PDSS2: variants seen among roughly 807,000 people sequenced by gnomAD.
PDSS2 encodes the protein decaprenyl diphosphate synthase subunit 2.
Under a neutral mutation model 44.5 loss-of-function variants are expected in PDSS2, and 31 were observed. That is an observed-to-expected ratio of 0.70 (90% CI 0.52 to 0.94). The LOEUF (loss-of-function observed/expected upper bound fraction) is 0.94, where lower values mean the gene tolerates loss of function less well. Among genes scored for constraint, PDSS2 ranks in the 40% least tolerant of loss-of-function variants. The pLI, the probability that PDSS2 is intolerant of heterozygous loss-of-function variation, is 0.00. For synonymous variants in PDSS2, 157 were observed against 180.3 expected, an observed-to-expected ratio of 0.87 and a Z score of 1.03; for missense variants, 452 against 482.2, an observed-to-expected ratio of 0.94 and a Z score of 0.59.
rs1484419335 is a variant in PDSS2, at chr6:107,225,376, C to T, written c.703-13094G>A. ...CTGTATTGGTCAGGCTGGTCTTGAA[C>T]TCCTGACCTTGTGATCTGCCTGCCT... On this transcript the variant is annotated intron_variant, in intron 4 of 7. Transcript: ENST00000369037. 2.0e-5 allele frequency among the ~76,000 whole-genome samples: 3 copies of T among 151,094 alleles called. No homozygotes were observed. In the East Asian group the frequency reaches 5.8e-4, roughly 29 times the overall value.
At chr6:107,249,075 T>C (rs1407523549) in intron 3 of PDSS2, among the ~76,000 whole-genome samples, 2 of 152,220 alleles carry the variant, frequency 1.3e-5, no homozygotes, top group South Asian at 2.1e-4. Context: ...GATTTATATA[T>C]ACTGGATTCT....
chr6:107,281,044 T>C (rs1775945648), intron 2 of PDSS2, among the ~76,000 whole-genome samples: 1 of 152,144 alleles, frequency 6.6e-6, no homozygotes, highest in South Asian at 2.1e-4. Flanking sequence ...TTCTGAGAAA[T>C]TTACTGAGTT....
intron 4 of PDSS2, among the ~76,000 whole-genome samples, chr6:107,240,016 G>A (rs1055052835): frequency 6.6e-6 from 1 of 152,118 alleles, no homozygotes; most frequent in Non-Finnish European, 1.5e-5. Context: ...TGAATCCAAA[G>A]TCAATTTTGT....
intron 7 of PDSS2, among the ~76,000 whole-genome samples, chr6:107,173,339 C>T (rs1001195577): frequency 1.1e-4 from 16 of 151,242 alleles, no homozygotes; most frequent in African/African-American, 3.2e-4. Flanking sequence ...TTTGGGAGGC[C>T]GAGGCGGGCG....
intron 3 of PDSS2, among the ~76,000 whole-genome samples, chr6:107,268,289 A>G (rs958499944): frequency 6.6e-6 from 1 of 152,190 alleles, no homozygotes; most frequent in African/African-American, 2.4e-5. Context: ...TTATCATGCA[A>G]ACTGGGACAC....
intron 1 of PDSS2, among the ~76,000 whole-genome samples, chr6:107,342,453 C>G (rs1467717408): frequency 1.3e-5 from 2 of 152,086 alleles, no homozygotes; most frequent in Admixed American, 6.6e-5. Flanking sequence ...AAAAAACATG[C>G]TGAGATTTGT....
At chr6:107,332,885 T>C (rs557881986) in intron 2 of PDSS2, among the ~76,000 whole-genome samples, 51 of 152,246 alleles carry the variant, frequency 3.3e-4, no homozygotes, top group Admixed American at 1.3e-3. Flanking sequence ...TCCCTTATAG[T>C]GAAGGGTATT....
At chr6:107,272,860 G>C (rs1353583365) in intron 3 of PDSS2, among the ~76,000 whole-genome samples, 2 of 152,186 alleles carry the variant, frequency 1.3e-5, no homozygotes, top group Non-Finnish European at 2.9e-5. Context: ...TCAGGAGGCT[G>C]AGGTAAGAGA....
intron 2 of PDSS2, among the ~76,000 whole-genome samples, chr6:107,315,724 T>C (rs1054955888): frequency 1.3e-5 from 2 of 152,126 alleles, no homozygotes; most frequent in Non-Finnish European, 1.5e-5. Flanking sequence ...CAGAAGAAAA[T>C]ACAGCTTGCC....
chr6:107,439,336 C>A (rs1306701375), intron 1 of PDSS2, among the ~76,000 whole-genome samples: 1 of 152,214 alleles, frequency 6.6e-6, no homozygotes, highest in Non-Finnish European at 1.5e-5. Context: ...AGTGACCATG[C>A]AACCTAGCTG....
chr6:107,310,175 C>G (rs1044880601), intron 2 of PDSS2, among the ~76,000 whole-genome samples: 8 of 151,216 alleles, frequency 5.3e-5, no homozygotes, highest in Admixed American at 4.0e-4. Context: ...GTCTCAGCTA[C>G]TCGGGAGGCT....
At chr6:107,394,767 C>G (rs1285176449) in intron 1 of PDSS2, among the ~76,000 whole-genome samples, 1 of 152,174 alleles carries the variant, frequency 6.6e-6, no homozygotes, top group African/African-American at 2.4e-5. Context: ...CATTTTACTA[C>G]CTCATATGTT....
chr6:107,448,905 C>T (rs546420149), intron 1 of PDSS2, among the ~76,000 whole-genome samples: 15 of 152,218 alleles, frequency 9.9e-5, no homozygotes, highest in Non-Finnish European at 2.2e-4. Context: ...ATAAAACCAT[C>T]AGCTCTTGTG....
intron 1 of PDSS2, among the ~76,000 whole-genome samples, chr6:107,372,464 T>C (rs1779154728): frequency 6.6e-6 from 1 of 152,230 alleles, no homozygotes; most frequent in Non-Finnish European, 1.5e-5. Flanking sequence ...TTTTATTTTT[T>C]ATTTTTTGAG....
At chr6:107,248,516 T>TAA (rs34881663) in intron 3 of PDSS2, among the ~76,000 whole-genome samples, 4 of 122,238 alleles carry the variant, frequency 3.3e-5, no homozygotes, top group Non-Finnish European at 5.1e-5. Flanking sequence ...AGGGAACTGT[T>TAA]AAAAAAAAAA....
chr6:107,241,834 A>G (rs1774445907), intron 4 of PDSS2, among the ~76,000 whole-genome samples: 1 of 152,126 alleles, frequency 6.6e-6, no homozygotes, highest in Admixed American at 6.6e-5. Context: ...GTATCCTCTT[A>G]CCCCTAGAAA....
At chr6:107,263,431 T>C (rs947906948) in intron 3 of PDSS2, among the ~76,000 whole-genome samples, 1 of 149,474 alleles carries the variant, frequency 6.7e-6, no homozygotes, top group African/African-American at 2.5e-5. Context: ...CCAGCCTGGG[T>C]GACAGAGCAA....
At chr6:107,456,164 T>C (rs1224278970) in intron 1 of PDSS2, among the ~76,000 whole-genome samples, 1 of 151,920 alleles carries the variant, frequency 6.6e-6, no homozygotes, top group Non-Finnish European at 1.5e-5. Context: ...CTACTAAAAA[T>C]ACAAAAATTA....
At chr6:107,411,165 C>A (rs1402383563) in intron 1 of PDSS2, among the ~76,000 whole-genome samples, 1 of 152,166 alleles carries the variant, frequency 6.6e-6, no homozygotes, top group East Asian at 1.9e-4. Context: ...GGATTACAGG[C>A]GTGAGCCACT....
Sources: allele counts gnomAD v4.1 joint callset (sites outside exome capture counted in the v4.1 genomes callset), GRCh38; gene constraint gnomAD v4.1.1; transcripts MANE v1.5; gene names NCBI Gene and HGNC (gene_info 2026-07-23, HGNC 2026-07-21).